ATG7: variants seen among roughly 807,000 people sequenced by gnomAD.
ATG7 encodes ubiquitin-like modifier-activating enzyme ATG7.
In ATG7, 70 loss-of-function variants were observed where a neutral mutation model predicts 82.4. The observed-to-expected ratio is 0.85, with a 90% CI of 0.70 to 1.04. The LOEUF is 1.04. Ranked by LOEUF, ATG7 falls within the 50% of genes least tolerant of loss-of-function variation. The probability of loss-of-function intolerance (pLI) is 0.00; values close to 1 mark genes in which losing one functional copy is unlikely to be tolerated. For synonymous variants in ATG7, 287 were observed against 313.0 expected (o/e 0.92, Z 0.88); for missense variants, 792 against 864.3 (o/e 0.92, Z 1.05).
At chr3:11,411,619 C>CAAAAAAAA (rs71055868) in intron 19 of ATG7, among the ~76,000 whole-genome samples, 3,344 of 71,558 alleles carry the variant, frequency 0.047, 425 homozygotes, top group East Asian at 0.1. Context: ...ACTCTGTCTC[C>CAAAAAAAA]AAAAAAAAAA....
intron 3 of ATG7, among the ~76,000 whole-genome samples, chr3:11,289,577 A>G (rs1335012427): frequency 1.3e-5 from 2 of 152,166 alleles, no homozygotes; most frequent in Non-Finnish European, 2.9e-5. Context: ...AAGTCAGAAA[A>G]TATTTGAAGG....
At chr3:11,560,629 C>A (rs1218716776), downstream of ATG7, among the ~76,000 whole-genome samples, 1 of 152,182 alleles carries the variant, frequency 6.6e-6, no homozygotes, top group East Asian at 1.9e-4. Flanking sequence ...CAAGGATGAA[C>A]TGGGATTGAA....
chr3:11,306,101 C>G (rs1177248774), intron 5 of ATG7, among the ~76,000 whole-genome samples: 2 of 151,634 alleles, frequency 1.3e-5, no homozygotes, highest in African/African-American at 2.4e-5. Context: ...CTTCTCCTGA[C>G]TTTGCTTACT....
intron 20 of ATG7, among the ~76,000 whole-genome samples, chr3:11,551,734 T>A (rs1273376267): frequency 6.7e-6 from 1 of 149,958 alleles, no homozygotes; most frequent in African/African-American, 2.5e-5. Context: ...CCAGCCAATA[T>A]AATGGGTTCT....
intron 19 of ATG7, among the ~76,000 whole-genome samples, chr3:11,391,643 A>T (rs1333635209): frequency 6.6e-6 from 1 of 152,082 alleles, no homozygotes; most frequent in Non-Finnish European, 1.5e-5. Context: ...TGCTTTTTCT[A>T]CCGCAGCTAT....
At chr3:11,526,249 G>T (rs2092576157) in intron 20 of ATG7, among the ~76,000 whole-genome samples, 1 of 151,978 alleles carries the variant, frequency 6.6e-6, no homozygotes, top group Non-Finnish European at 1.5e-5. Flanking sequence ...AAATTAGCCG[G>T]GCCTAGTGGT....
At chr3:11,454,950 G>A (rs999025395) in intron 20 of ATG7, among the ~76,000 whole-genome samples, 1 of 152,070 alleles carries the variant, frequency 6.6e-6, no homozygotes, top group African/African-American at 2.4e-5. Context: ...ATTTTTGAGG[G>A]TTTTTAAAAT....
intron 3 of ATG7, among the ~76,000 whole-genome samples, chr3:11,297,539 G>A (rs993493122): frequency 1.3e-5 from 2 of 152,024 alleles, no homozygotes; most frequent in Admixed American, 6.6e-5. Flanking sequence ...GAGTATGGAG[G>A]GATTATAGAA....
chr3:11,385,015 T>TG (rs2078208228), intron 19 of ATG7, among the ~76,000 whole-genome samples: 2 of 150,304 alleles, frequency 1.3e-5, no homozygotes, highest in Non-Finnish European at 3.0e-5. Context: ...TTAAATAGTG[T>TG]TTTTGTTTGT....
At chr3:11,278,720 G>C (rs1273918167) in intron 1 of ATG7, among the ~76,000 whole-genome samples, 1 of 152,232 alleles carries the variant, frequency 6.6e-6, no homozygotes, top group Non-Finnish European at 1.5e-5. Flanking sequence ...TCAGGTGCTA[G>C]AAAAACAATG....
At chr3:11,318,995 TCC>T (rs1287203368) in intron 9 of ATG7, among the ~76,000 whole-genome samples, 1 of 152,120 alleles carries the variant, frequency 6.6e-6, no homozygotes, top group Non-Finnish European at 1.5e-5. Flanking sequence ...CTGCCCCATA[TCC>T]CCAGCCTGTG....
intron 2 of ATG7, among the ~76,000 whole-genome samples, chr3:11,281,556 T>C (rs916584838): frequency 1.3e-5 from 2 of 152,156 alleles, no homozygotes; most frequent in Non-Finnish European, 2.9e-5. Flanking sequence ...GTGGATCACC[T>C]GAGGTCAGGA....
chr3:11,559,378 G>T, downstream of ATG7: 1 of 1,554,378 alleles, frequency 6.4e-7, no homozygotes, highest in Non-Finnish European at 8.7e-7. Context: ...CGGCACAGCC[G>T]CTGTGCGCGA....
At chr3:11,317,599 T>TG (rs1559383608) in intron 9 of ATG7, among the ~76,000 whole-genome samples, 3 of 148,014 alleles carry the variant, frequency 2.0e-5, no homozygotes, top group African/African-American at 7.5e-5. Flanking sequence ...TTTTTTTTTT[T>TG]TTTTTGTTTT....
intron 20 of ATG7, among the ~76,000 whole-genome samples, chr3:11,480,652 T>A (rs2088853962): frequency 6.6e-6 from 1 of 152,126 alleles, no homozygotes; most frequent in Non-Finnish European, 1.5e-5. Flanking sequence ...AGGTTCTGCC[T>A]CCCCTCTGGG....
At chr3:11,459,173 TAA>T (rs10658469) in intron 20 of ATG7, among the ~76,000 whole-genome samples, 9 of 141,744 alleles carry the variant, frequency 6.3e-5, no homozygotes, top group African/African-American at 2.1e-4. Context: ...GGAGTCACTT[TAA>T]AAAAAAAAAA....
intron 11 of ATG7, among the ~76,000 whole-genome samples, chr3:11,337,813 A>G (rs1952785828): frequency 6.6e-6 from 1 of 152,038 alleles, no homozygotes; most frequent in Admixed American, 6.6e-5. Context: ...AGTATAGAGA[A>G]CTTTTAATTT....
intron 20 of ATG7, among the ~76,000 whole-genome samples, chr3:11,488,727 C>T (rs1228997571): frequency 6.6e-6 from 1 of 152,224 alleles, no homozygotes; most frequent in Admixed American, 6.5e-5. Context: ...ATATATTGAA[C>T]CAGCCTTGCA....
intron 20 of ATG7, among the ~76,000 whole-genome samples, chr3:11,431,476 A>G (rs948733719): frequency 4.6e-5 from 7 of 152,206 alleles, no homozygotes; most frequent in Non-Finnish European, 1.0e-4. Context: ...TTGTGCAACC[A>G]TTACCACTCT....
Sources: allele counts gnomAD v4.1 joint callset (sites outside exome capture counted in the v4.1 genomes callset), GRCh38; gene constraint gnomAD v4.1.1; transcripts MANE v1.5; gene names NCBI Gene and HGNC (gene_info 2026-07-23, HGNC 2026-07-21).